The following HNF1B variants were observed in gnomAD, a reference collection of about 807,000 sequenced individuals.
HNF1B encodes hepatocyte nuclear factor 1-beta.
HNF1B carries 8 observed loss-of-function variants against 61.7 expected under a neutral mutation model. The observed-to-expected ratio is 0.13, with a 90% CI of 0.08 to 0.23. The LOEUF is 0.23. Among genes scored for constraint, HNF1B ranks in the 10% least tolerant of loss-of-function variants. HNF1B has a pLI of 1.00. For missense variants in HNF1B, 562 were observed against 714.5 expected, an observed-to-expected ratio of 0.79 and a Z score of 2.43; for synonymous variants, 314 against 287.7, an observed-to-expected ratio of 1.09 and a Z score of -0.93.
intron 1 of HNF1B, 127 bp downstream of exon 1, chr17:37,744,414 C>T (rs572415806): frequency 8.7e-6 from 8 of 918,166 alleles, no homozygotes; most frequent in African/African-American, 6.5e-5. Context: ...AGAAGCAGAG[C>T]GCCCCCCGGG....
At chr17:37,699,254 G>C in intron 7 of HNF1B, 60 bp from the exon 8 acceptor site, 1 of 1,278,462 alleles carries the variant, frequency 7.8e-7, no homozygotes, top group Non-Finnish European at 1.1e-6. Context: ...CACAGGTACA[G>C]AGCCCCCATC....
chr17:37,743,064 C>T (rs1273183383), intron 1 of HNF1B, among the ~76,000 whole-genome samples: 2 of 152,086 alleles, frequency 1.3e-5, no homozygotes, highest in Admixed American at 6.5e-5. Context: ...GTTTATGTTA[C>T]GTCTCAGCTG....
intron 1 of HNF1B, among the ~76,000 whole-genome samples, chr17:37,744,134 C>T (rs1313428303): frequency 6.6e-6 from 1 of 152,218 alleles, no homozygotes; most frequent in Non-Finnish European, 1.5e-5. Context: ...AGGCAGGGCG[C>T]AGGAAAAATG....
At chr17:37,723,839 T>C (rs1314070306) in intron 4 of HNF1B, among the ~76,000 whole-genome samples, 1 of 152,158 alleles carries the variant, frequency 6.6e-6, no homozygotes, top group South Asian at 2.1e-4. Flanking sequence ...GTTTTACATA[T>C]ATATTATCTT....
intron 3 of HNF1B, among the ~76,000 whole-genome samples, chr17:37,732,879 C>T (rs1203671941): frequency 6.6e-6 from 1 of 150,874 alleles, no homozygotes; most frequent in Non-Finnish European, 1.5e-5. Flanking sequence ...TAGGGTTTCA[C>T]CATGTTGCCC....
Position 37,687,235 on chromosome 17 carries a change from G to T in HNF1B, c.*137C>A. 1 of 1,414,956 alleles carries T rather than the reference G, an allele frequency of 7.1e-7. No individual in the cohort carries two copies. 87.7% of individuals were successfully genotyped at this position (1,414,956 alleles called of 1,614,324 possible). ...AGTGGATTGTCTGAGGTGCCAGCAG[G>T]ACGTCCGTCAGGTAAGCAGGGACCT... On this transcript the variant is annotated 3_prime_UTR_variant, in exon 9 of 9. Transcript: ENST00000617811.
intron 2 of HNF1B, among the ~76,000 whole-genome samples, chr17:37,735,617 G>A (rs2033810947): frequency 6.6e-6 from 1 of 152,182 alleles, no homozygotes; most frequent in South Asian, 2.1e-4. Flanking sequence ...ATCATGTGGG[G>A]CCCCAGCTTA....
chr17:37,695,305 C>T (rs532374521), intron 8 of HNF1B, among the ~76,000 whole-genome samples: 12 of 152,336 alleles, frequency 7.9e-5, no homozygotes, highest in African/African-American at 2.9e-4. Context: ...GTTAAGCCTG[C>T]AGATGCACAG....
intron 4 of HNF1B, chr17:37,730,570 T>G (rs1029017502): frequency 6.6e-6 from 1 of 152,312 alleles, no homozygotes. Context: ...CGAGCCTGTC[T>G]TGGTGGCTTT....
Position 37,731,633 on chromosome 17 carries a change from T to C in HNF1B, c.1007A>G (p.His336Arg). 6.2e-7 allele frequency: 1 copy of C among 1,613,706 alleles called. No individual in the cohort carries two copies. Among genetic ancestry groups the C allele is most frequent in the South Asian group, 1.1e-5 (1 of 91,018 alleles). ...LNPLLSHGSP[H>R]HQPSSSPPNK... The stretch of plus-strand genomic sequence containing the variant: ...TGGAGGAGAGGAGCTGGGCTGGTGG[T>C]GGGGGGAGCCGTGGGAGAGCAGAGG... Residue 336 changes from histidine to arginine, a missense_variant, in exon 4 of 9, where the codon CAC becomes CGC. His to Arg is a conservative substitution (Grantham distance 29). This residue lies in a region of HNF1B where 211 missense variants were observed against 200.7 expected (regional missense o/e 1.05). Transcript: ENST00000617811.
chr17:37,688,672 T>A (rs1157910444), intron 8 of HNF1B, among the ~76,000 whole-genome samples: 1 of 152,184 alleles, frequency 6.6e-6, no homozygotes, highest in African/African-American at 2.4e-5. Flanking sequence ...TCTACTAAGC[T>A]TTGTGCTCTT....
chr17:37,726,954 C>A (rs1046677354), intron 4 of HNF1B, among the ~76,000 whole-genome samples: 1 of 152,114 alleles, frequency 6.6e-6, no homozygotes, highest in South Asian at 2.1e-4. Flanking sequence ...TGATGAAGAC[C>A]TTTTACCCCT....
rs374169277 is a variant in HNF1B, at chr17:37,725,779, G to A, written c.1045+5816C>T. ...ACAACTACCCTCATAAACCCCTCCCGCTGTCTGCTGCCCAGGGAGGGGGCG... is the reference window on the plus strand; with the variant it reads ...ACAACTACCCTCATAAACCCCTCCCACTGTCTGCTGCCCAGGGAGGGGGCG... On this transcript the variant is annotated intron_variant, in intron 4 of 8. Transcript: ENST00000617811. Among the ~76,000 whole-genome samples the A allele has an allele frequency of 5.3e-4, 81 of 152,328 alleles. No homozygotes were observed. In the South Asian group the frequency reaches 0.016, roughly 30 times the overall value.
intron 4 of HNF1B, among the ~76,000 whole-genome samples, chr17:37,712,884 G>T (rs2032982275): frequency 6.6e-6 from 1 of 152,142 alleles, no homozygotes; most frequent in Non-Finnish European, 1.5e-5. Flanking sequence ...TACAGGAATG[G>T]ACCCCAAGAT....
intron 1 of HNF1B, among the ~76,000 whole-genome samples, chr17:37,742,355 C>G (rs2034018947): frequency 6.6e-6 from 1 of 152,212 alleles, no homozygotes; most frequent in African/African-American, 2.4e-5. Flanking sequence ...CCTTCCTCCC[C>G]TGCCTTTCTC....
chr17:37,688,326 G>A (rs559851609), intron 8 of HNF1B, among the ~76,000 whole-genome samples: 17 of 149,908 alleles, frequency 1.1e-4, no homozygotes, highest in Admixed American at 3.3e-4. Context: ...TGCTTTTGCC[G>A]GCATCTAAGG....
At chr17:37,727,954 G>A (rs770652751) in intron 4 of HNF1B, among the ~76,000 whole-genome samples, 1 of 151,964 alleles carries the variant, frequency 6.6e-6, no homozygotes, top group East Asian at 1.9e-4. Context: ...TAGTGCTGAC[G>A]GTGGATTTTG....
At chr17:37,718,812 AATG>A (rs1195476318) in intron 4 of HNF1B, among the ~76,000 whole-genome samples, 12 of 152,242 alleles carry the variant, frequency 7.9e-5, no homozygotes, top group African/African-American at 2.9e-4. Flanking sequence ...TGAAGGAGTA[AATG>A]ATGAATGAAT....
At chr17:37,735,144 G>A (rs2033797044) in intron 2 of HNF1B, among the ~76,000 whole-genome samples, 1 of 152,082 alleles carries the variant, frequency 6.6e-6, no homozygotes, top group Non-Finnish European at 1.5e-5. Flanking sequence ...ACAGAAAGTG[G>A]AAGGCTACCA....
Sources: gnomAD v4.1 joint callset for allele counts (sites outside exome capture counted in the v4.1 genomes callset) on GRCh38, gnomAD v4.1.1 for gene constraint, gnomAD v4.1.1 regional missense constraint, MANE v1.5 for transcripts, NCBI Gene and HGNC (gene_info 2026-07-23, HGNC 2026-07-21) for gene names.